The following ANO6 variants were observed in gnomAD, a reference collection of about 807,000 sequenced individuals.
The protein encoded by ANO6 is anoctamin-6.
A neutral mutation model predicts 117.5 loss-of-function variants in ANO6; 106 were observed. The ratio of observed to expected loss-of-function variants is 0.90; its 90% CI spans 0.77 to 1.06. ANO6 has a LOEUF of 1.06. Ranked by LOEUF, ANO6 falls within the 50% of genes least tolerant of loss-of-function variation. The pLI, the probability that ANO6 is intolerant of heterozygous loss-of-function variation, is 0.00. For missense variants in ANO6, 955 were observed against 1,121.1 expected, an observed-to-expected ratio of 0.85 and a Z score of 2.12; for synonymous variants, 367 against 385.1, an observed-to-expected ratio of 0.95 and a Z score of 0.55.
At chr12:45,334,076 C>T (rs1443077490) in intron 3 of ANO6, among the ~76,000 whole-genome samples, 1 of 151,976 alleles carries the variant, frequency 6.6e-6, no homozygotes, top group Non-Finnish European at 1.5e-5. Flanking sequence ...CTAGCCAAAC[C>T]TCCAAATATC....
chr12:45,404,833 G>C (rs1303209797), intron 15 of ANO6, among the ~76,000 whole-genome samples: 1 of 151,986 alleles, frequency 6.6e-6, no homozygotes, highest in Non-Finnish European at 1.5e-5. Context: ...CTGCCATGTT[G>C]CCCTCTTGCC....
At chr12:45,248,331 G>T (rs748509135) in intron 1 of ANO6, among the ~76,000 whole-genome samples, 1 of 151,590 alleles carries the variant, frequency 6.6e-6, no homozygotes, top group Non-Finnish European at 1.5e-5. Context: ...CCACTACTCA[G>T]TTAAGCTTTC....
chr12:45,403,432 C>T lies in ANO6; in HGVS notation c.1783-7C>T. On this transcript the variant is annotated splice_polypyrimidine_tract_variant and splice_region_variant and intron_variant, in intron 14 of 19. Transcript: ENST00000320560. ...ATTTAAATGGTATTTTCTTTTTAAC[C>T]TTCTAGTGTGACCCAGGTGGCTGTC... The T allele has an allele frequency of 1.2e-6, 2 of 1,609,888 alleles. No individual in the cohort carries two copies. Among genetic ancestry groups the T allele is most frequent in the Non-Finnish European group, 1.7e-6 (2 of 1,176,312 alleles).
chr12:45,277,114 C>T (rs1044809617), intron 1 of ANO6, among the ~76,000 whole-genome samples: 1 of 152,110 alleles, frequency 6.6e-6, no homozygotes, highest in Non-Finnish European at 1.5e-5. Context: ...CTCTTTTTCA[C>T]CTACTCCAGC....
At chr12:45,364,862 T>C (rs1381205961) in intron 8 of ANO6, among the ~76,000 whole-genome samples, 2 of 152,370 alleles carry the variant, frequency 1.3e-5, no homozygotes, top group South Asian at 4.1e-4. Flanking sequence ...TAATTTTACA[T>C]TGAGAACTGG....
In ANO6 at chr12:45,431,286, T is replaced by C. The variant is rs1943626241; in HGVS notation, c.*1975T>C. ...GTGCCACTGTTCCTCTCTTCACTCC[T>C]GAGATACTGCTTCTGGAAGCGGGTG... On this transcript the variant is annotated 3_prime_UTR_variant, in exon 20 of 20. Coordinates refer to ENST00000320560, the MANE Select transcript of ANO6 (RefSeq NM_001025356.3). 4.1e-6 allele frequency: 4 copies of C among 985,318 alleles called. No individual in the cohort carries two copies. The highest frequency in any genetic ancestry group is 4.8e-6 in the Non-Finnish European group (4 of 829,942). 61.0% of individuals were successfully genotyped at this position (985,318 alleles called of 1,614,324 possible).
chr12:45,375,795 G>C (rs1454507558), intron 9 of ANO6, among the ~76,000 whole-genome samples: 1 of 150,320 alleles, frequency 6.7e-6, no homozygotes, highest in Non-Finnish European at 1.5e-5. Context: ...ATAGGCATGG[G>C]CAAGGACTTC....
At chr12:45,245,740 T>C (rs1030842085) in intron 1 of ANO6, among the ~76,000 whole-genome samples, 1 of 152,114 alleles carries the variant, frequency 6.6e-6, no homozygotes, top group Non-Finnish European at 1.5e-5. Context: ...CTTGGTACAG[T>C]GTGTGGTGCT....
chr12:45,419,484 G>A (rs73283303), intron 17 of ANO6, among the ~76,000 whole-genome samples: 3,431 of 152,274 alleles, frequency 0.023, 112 homozygotes, highest in African/African-American at 0.076. Flanking sequence ...ACACTCATAT[G>A]TATATGTACA....
chr12:45,387,770 G>T (rs1465626940), intron 10 of ANO6, among the ~76,000 whole-genome samples: 1 of 152,162 alleles, frequency 6.6e-6, no homozygotes, highest in Non-Finnish European at 1.5e-5. Flanking sequence ...ATCCCCATGT[G>T]TCAGGGGAGG....
chr12:45,330,806 T>C (rs537184910), intron 2 of ANO6, among the ~76,000 whole-genome samples: 1 of 152,238 alleles, frequency 6.6e-6, no homozygotes, highest in East Asian at 1.9e-4. Flanking sequence ...TGTCCCATGA[T>C]ACCTTCTATA....
intron 1 of ANO6, among the ~76,000 whole-genome samples, chr12:45,293,985 T>C (rs1287667352): frequency 1.3e-5 from 2 of 152,070 alleles, no homozygotes; most frequent in African/African-American, 4.8e-5. Flanking sequence ...TATAGGAGCA[T>C]GAAGTGGAGG....
intron 3 of ANO6, among the ~76,000 whole-genome samples, chr12:45,332,811 G>C (rs1226414918): frequency 6.6e-6 from 1 of 152,040 alleles, no homozygotes; most frequent in Non-Finnish European, 1.5e-5. Context: ...TGGTAGATAA[G>C]ATGAAGAAAG....
intron 2 of ANO6, among the ~76,000 whole-genome samples, chr12:45,317,113 G>GTGTGTGTGTGTATATA: frequency 7.5e-5 from 5 of 66,446 alleles, no homozygotes; most frequent in Non-Finnish European, 1.5e-4. Context: ...CTTTTTATAT[G>GTGTGTGTGTGTATATA]TATATATATA....
intron 1 of ANO6, among the ~76,000 whole-genome samples, chr12:45,232,157 A>G (rs1947582794): frequency 6.6e-6 from 1 of 152,196 alleles, no homozygotes; most frequent in Admixed American, 6.5e-5. Flanking sequence ...GTGTAGAGAT[A>G]AGGAAGCAGA....
intron 9 of ANO6, among the ~76,000 whole-genome samples, chr12:45,375,192 A>G (rs1391365830): frequency 6.6e-6 from 1 of 152,212 alleles, no homozygotes; most frequent in Non-Finnish European, 1.5e-5. Context: ...CCACTGCTCA[A>G]GGAAATAAAA....
intron 1 of ANO6, among the ~76,000 whole-genome samples, chr12:45,295,752 G>A (rs142095567): frequency 2.6e-4 from 39 of 152,102 alleles, no homozygotes; most frequent in African/African-American, 8.4e-4. Flanking sequence ...GTAGAGACGG[G>A]GTTTCACCAC....
intron 7 of ANO6, among the ~76,000 whole-genome samples, chr12:45,352,564 A>T (rs1304777265): frequency 1.3e-5 from 2 of 148,302 alleles, no homozygotes; most frequent in Non-Finnish European, 3.0e-5. Flanking sequence ...CAGTCTTAAA[A>T]AAAAAAAAAA....
At chr12:45,351,977 G>T (rs1653537079) in intron 7 of ANO6, among the ~76,000 whole-genome samples, 1 of 152,092 alleles carries the variant, frequency 6.6e-6, no homozygotes, top group Non-Finnish European at 1.5e-5. Flanking sequence ...TGTGGGAGCA[G>T]ATTTGGGATG....
Sources: gnomAD v4.1 joint callset for allele counts (sites outside exome capture counted in the v4.1 genomes callset) on GRCh38, gnomAD v4.1.1 for gene constraint, MANE v1.5 for transcripts, NCBI Gene and HGNC (gene_info 2026-07-23, HGNC 2026-07-21) for gene names.